The following RASAL2 variants were observed in gnomAD, a reference collection of about 807,000 sequenced individuals.
RASAL2 encodes the protein RAS protein activator like 2.
RASAL2 carries 58 observed loss-of-function variants against 128.9 expected under a neutral mutation model. That is an observed-to-expected ratio of 0.45 (90% CI 0.36 to 0.56). RASAL2 has a LOEUF of 0.56. Ranked by LOEUF, RASAL2 falls within the 20% of genes least tolerant of loss-of-function variation. RASAL2 has a pLI of 0.00. For synonymous variants in RASAL2, 561 were observed against 580.8 expected, an observed-to-expected ratio of 0.97 and a Z score of 0.49; for missense variants, 1,360 against 1,601.6, an observed-to-expected ratio of 0.85 and a Z score of 2.57.
intron 15 of RASAL2, among the ~76,000 whole-genome samples, chr1:178,465,200 G>C: frequency 6.6e-6 from 1 of 152,226 alleles, no homozygotes; most frequent in South Asian, 2.1e-4. Flanking sequence ...GGGCAGGTGA[G>C]TCATATTACA....
At chr1:178,358,681 G>A (rs1670950258) in intron 3 of RASAL2, among the ~76,000 whole-genome samples, 1 of 152,114 alleles carries the variant, frequency 6.6e-6, no homozygotes, top group Non-Finnish European at 1.5e-5. Flanking sequence ...GAATGTAGAT[G>A]ACTCAGGATT....
chr1:178,398,791 T>C (rs1673427807), intron 4 of RASAL2, among the ~76,000 whole-genome samples: 1 of 152,152 alleles, frequency 6.6e-6, no homozygotes, highest in Non-Finnish European at 1.5e-5. Flanking sequence ...CTCTTCCCCT[T>C]CTCTCAAATT....
At position 178,444,645 on chromosome 1, in the gene RASAL2, T is replaced by C. The variant is rs555265726; in HGVS notation, c.1483-873T>C. Among the ~76,000 whole-genome samples the C allele has an allele frequency of 2.0e-5, 3 of 152,162 alleles. No homozygotes were observed. In the South Asian group the frequency reaches 6.2e-4, roughly 32 times the overall value. On this transcript the variant is annotated intron_variant, in intron 8 of 17. Transcript: ENST00000367649. ...TTGAGGAATGAAGCAGCTGTTTCTT[T>C]GCACCTTTATTTCCCCTTATGCTAT...
rs1309187460 is a variant in RASAL2, at chr1:178,451,600, G to A, written c.1657G>A (p.Asp553Asn). 9.9e-6 allele frequency: 16 copies of A among 1,613,554 alleles called. No individual in the cohort carries two copies. The highest frequency in any genetic ancestry group is 1.6e-4 in the Middle Eastern group (1 of 6,080). ...GTTTATCAAAGCTTTGTATGAGTCC[G>A]ATGAGAACTGTGAAGTGGATCCCAG... ...GEFIKALYES[D>N]ENCEVDPSKC... is the part of the protein sequence containing the mutation. The change falls in exon 10 of 18, where the codon GAT becomes AAT. Residue 553 changes from aspartate to asparagine, a missense_variant. Asp to Asn is a conservative substitution (Grantham distance 23). Coordinates refer to ENST00000367649, the MANE Select transcript of RASAL2 (RefSeq NM_170692.4).
chr1:178,384,117 A>G (rs1672425316), intron 3 of RASAL2, among the ~76,000 whole-genome samples: 1 of 152,200 alleles, frequency 6.6e-6, no homozygotes, highest in Non-Finnish European at 1.5e-5. Flanking sequence ...TAATTGAAAG[A>G]GTATTTACAT....
intron 2 of RASAL2, among the ~76,000 whole-genome samples, chr1:178,298,932 A>G (rs1190979770): frequency 6.6e-6 from 1 of 151,304 alleles, no homozygotes; most frequent in Non-Finnish European, 1.5e-5. Flanking sequence ...CCCCAAAACC[A>G]AAAAAAACCC....
rs146155793 is a variant in RASAL2 at position 178,201,952 on chromosome 1, G to A, written c.203-81612G>A. Among the ~76,000 whole-genome samples, 22 of 152,202 alleles carry A rather than the reference G, an allele frequency of 1.4e-4. No individual in the cohort carries two copies. In the South Asian group the frequency reaches 2.9e-3, roughly 20 times the overall value. On this transcript the variant is annotated intron_variant, in intron 1 of 17. Transcript: ENST00000367649. ...CCCCTTGAAGAAGGATCCCTCTACC[G>A]ACAATTTATGTGTAAATCTTTCTCC...
intron 1 of RASAL2, among the ~76,000 whole-genome samples, chr1:178,277,306 G>C (rs970576295): frequency 6.6e-6 from 1 of 152,018 alleles, no homozygotes; most frequent in Non-Finnish European, 1.5e-5. Flanking sequence ...CTACAGGCAC[G>C]CACCACCATG....
In RASAL2 at chr1:178,309,262, ATG is replaced by A. The variant is rs1296505462; in HGVS notation, c.457+9146_457+9147del. On this transcript the variant is annotated intron_variant, in intron 3 of 17. Transcript: ENST00000367649. The stretch of plus-strand genomic sequence containing the variant: ...TTCTTTGAAATTTCCTTAAAATGTC[ATG>A]TCTTATTCCTCTCCTGTAAAATAAG... 2.6e-5 allele frequency among the ~76,000 whole-genome samples: 4 copies of A among 152,286 alleles called. No individual in the cohort carries two copies. The East Asian group carries it at 7.7e-4, about 29-fold the overall frequency.
chr1:178,169,002 A>G (rs1016152814), intron 1 of RASAL2, among the ~76,000 whole-genome samples: 2 of 152,064 alleles, frequency 1.3e-5, no homozygotes, highest in African/African-American at 4.8e-5. Context: ...AAGATCAATG[A>G]AGTTATCCTT....
chr1:178,383,067 A>G (rs1406770051), intron 3 of RASAL2, among the ~76,000 whole-genome samples: 1 of 152,160 alleles, frequency 6.6e-6, no homozygotes, highest in Non-Finnish European at 1.5e-5. Context: ...TTGTTTTTCT[A>G]TTATGTTAAC....
At chr1:178,213,806 G>GA (rs1345735965) in intron 1 of RASAL2, among the ~76,000 whole-genome samples, 1 of 151,590 alleles carries the variant, frequency 6.6e-6, no homozygotes, top group Non-Finnish European at 1.5e-5. Context: ...CTGGGATCCT[G>GA]AAAATCTGTG....
chr1:178,110,045 C>G (rs922650722), intron 1 of RASAL2, among the ~76,000 whole-genome samples: 4 of 152,022 alleles, frequency 2.6e-5, no homozygotes, highest in Admixed American at 1.3e-4. Context: ...AAACCGGATT[C>G]AATAAGAAAA....
chr1:178,253,552 C>T (rs1665158492), intron 1 of RASAL2, among the ~76,000 whole-genome samples: 1 of 152,144 alleles, frequency 6.6e-6, no homozygotes, highest in Non-Finnish European at 1.5e-5. Flanking sequence ...CTGTTTATTT[C>T]ACCTGGGTGC....
intron 9 of RASAL2, among the ~76,000 whole-genome samples, chr1:178,448,122 T>A (rs1572093629): frequency 6.6e-6 from 1 of 151,964 alleles, no homozygotes; most frequent in South Asian, 2.1e-4. Flanking sequence ...CAAGGATAGA[T>A]CTTAGAGTGC....
chr1:178,179,146 T>C (rs1661991205), intron 1 of RASAL2, among the ~76,000 whole-genome samples: 1 of 152,152 alleles, frequency 6.6e-6, no homozygotes, highest in Non-Finnish European at 1.5e-5. Flanking sequence ...ACTAGTTCTT[T>C]GGGGTAAAAG....
chr1:178,274,976 G>T (rs888972852), intron 1 of RASAL2, among the ~76,000 whole-genome samples: 2 of 152,158 alleles, frequency 1.3e-5, no homozygotes, highest in Non-Finnish European at 2.9e-5. Context: ...GTATATAAGT[G>T]ACCTATTTTA....
chr1:178,224,226 T>G (rs1484472564), intron 1 of RASAL2, among the ~76,000 whole-genome samples: 1 of 141,814 alleles, frequency 7.1e-6, no homozygotes, highest in African/African-American at 2.8e-5. Flanking sequence ...AAACTAGAAT[T>G]TTTTTTTTTT....
chr1:178,400,724 ATATTT>A (rs1182139550), intron 4 of RASAL2, among the ~76,000 whole-genome samples: 1 of 152,180 alleles, frequency 6.6e-6, no homozygotes, highest in Non-Finnish European at 1.5e-5. Flanking sequence ...ACACTCAACA[ATATTT>A]TATTCATTTC....
Sources: allele counts gnomAD v4.1 joint callset (sites outside exome capture counted in the v4.1 genomes callset), GRCh38; gene constraint gnomAD v4.1.1; transcripts MANE v1.5; gene names NCBI Gene and HGNC (gene_info 2026-07-23, HGNC 2026-07-21).